The following ATRNL1 variants were observed in gnomAD, a reference collection of about 807,000 sequenced individuals.
The protein encoded by ATRNL1 is attractin-like protein 1.
Under a neutral mutation model 182.7 loss-of-function variants are expected in ATRNL1, and 95 were observed. The observed-to-expected ratio is 0.52, with a 90% CI of 0.44 to 0.62. The LOEUF (loss-of-function observed/expected upper bound fraction) is 0.62. Ranked by LOEUF, ATRNL1 falls within the 20% of genes least tolerant of loss-of-function variation. The probability of loss-of-function intolerance (pLI) is 0.00; values close to 1 mark genes in which losing one functional copy is unlikely to be tolerated. For synonymous variants in ATRNL1, 576 were observed against 568.3 expected, an observed-to-expected ratio of 1.01 and a Z score of -0.19; for missense variants, 1,471 against 1,679.5, an observed-to-expected ratio of 0.88 and a Z score of 2.17.
chr10:115,125,455 G>C (rs1017373444), intron 3 of ATRNL1, among the ~76,000 whole-genome samples: 1 of 151,488 alleles, frequency 6.6e-6, no homozygotes, highest in South Asian at 2.1e-4. Flanking sequence ...GTAGGCAAGA[G>C]TTTTTAGAAT....
intron 26 of ATRNL1, among the ~76,000 whole-genome samples, chr10:115,587,782 C>T (rs919228946): frequency 6.6e-6 from 1 of 152,158 alleles, no homozygotes; most frequent in Non-Finnish European, 1.5e-5. Flanking sequence ...TTGGCTTCTC[C>T]TCCCAACAAG....
At chr10:115,122,960 G>A (rs1554872181) in intron 3 of ATRNL1, among the ~76,000 whole-genome samples, 1 of 151,950 alleles carries the variant, frequency 6.6e-6, no homozygotes, top group Non-Finnish European at 1.5e-5. Context: ...ACATCACTTT[G>A]CTATCTTTAC....
intron 5 of ATRNL1, among the ~76,000 whole-genome samples, chr10:115,157,225 T>A (rs1051091381): frequency 6.6e-6 from 1 of 152,092 alleles, no homozygotes; most frequent in Non-Finnish European, 1.5e-5. Context: ...TTGTTCAGTA[T>A]CAGAAAAAAA....
intron 19 of ATRNL1, among the ~76,000 whole-genome samples, chr10:115,354,100 C>T (rs999057947): frequency 2.2e-4 from 33 of 152,260 alleles, no homozygotes; most frequent in African/African-American, 7.2e-4. Flanking sequence ...TGAATATGGC[C>T]CAACACAAAT....
At chr10:115,488,432 T>C (rs1430206145) in intron 24 of ATRNL1, among the ~76,000 whole-genome samples, 1 of 152,220 alleles carries the variant, frequency 6.6e-6, no homozygotes, top group African/African-American at 2.4e-5. Context: ...ATTCAACTTA[T>C]TCCTGGTTTA....
At chr10:115,643,106 A>G (rs939730909) in intron 26 of ATRNL1, among the ~76,000 whole-genome samples, 18 of 152,212 alleles carry the variant, frequency 1.2e-4, no homozygotes, top group Non-Finnish European at 1.0e-4. Context: ...AAGCTCCAGT[A>G]ATCAAGAAAG....
chr10:115,761,768 C>G (rs568397032), intron 27 of ATRNL1, among the ~76,000 whole-genome samples: 33 of 152,214 alleles, frequency 2.2e-4, no homozygotes, highest in African/African-American at 7.9e-4. Flanking sequence ...TAGGTTAATT[C>G]AGTTCTTTGA....
At chr10:115,094,162 T>C in intron 1 of ATRNL1, 119 bp downstream of exon 1, 1 of 1,051,448 alleles carries the variant, frequency 9.5e-7, no homozygotes, top group Non-Finnish European at 1.2e-6. Context: ...CGGCCGTGAG[T>C]GAACCTCAGC....
At chr10:115,576,361 T>C (rs1378432826) in intron 26 of ATRNL1, among the ~76,000 whole-genome samples, 2 of 152,086 alleles carry the variant, frequency 1.3e-5, no homozygotes, top group Admixed American at 6.6e-5. Context: ...CAATTAATAG[T>C]GTACAGGGTT....
chr10:115,126,439 C>A (rs1248105435), intron 3 of ATRNL1, among the ~76,000 whole-genome samples: 4 of 152,118 alleles, frequency 2.6e-5, no homozygotes, highest in African/African-American at 7.2e-5. Flanking sequence ...TAGTAATACT[C>A]ACCTTTATAT....
chr10:115,616,062 T>A (rs1350879108), intron 26 of ATRNL1, among the ~76,000 whole-genome samples: 1 of 152,170 alleles, frequency 6.6e-6, no homozygotes, highest in East Asian at 1.9e-4. Flanking sequence ...GTTAGATTGT[T>A]ATAACCAAAA....
chr10:115,141,380 A>G (rs1554878026), intron 5 of ATRNL1, among the ~76,000 whole-genome samples: 1 of 152,130 alleles, frequency 6.6e-6, no homozygotes, highest in African/African-American at 2.4e-5. Flanking sequence ...TATTTTATCA[A>G]GCATTGGTTC....
intron 26 of ATRNL1, among the ~76,000 whole-genome samples, chr10:115,559,810 A>G (rs1214086231): frequency 6.6e-6 from 1 of 152,192 alleles, no homozygotes; most frequent in Non-Finnish European, 1.5e-5. Flanking sequence ...CTTTTTTTAA[A>G]TCACTTATAT....
intron 10 of ATRNL1, among the ~76,000 whole-genome samples, chr10:115,260,818 A>G (rs1851361941): frequency 6.6e-6 from 1 of 152,140 alleles, no homozygotes; most frequent in Admixed American, 6.5e-5. Context: ...TCCATAAAGT[A>G]TTATGAATAA....
At chr10:115,784,388 C>G (rs1286243975) in intron 27 of ATRNL1, among the ~76,000 whole-genome samples, 2 of 152,004 alleles carry the variant, frequency 1.3e-5, no homozygotes, top group Non-Finnish European at 2.9e-5. Context: ...ATAGGTATGC[C>G]CAAGGTTCAT....
chr10:115,281,497 T>A lies in ATRNL1; in HGVS notation c.2233+10T>A. On this transcript the variant is annotated intron_variant, in intron 14 of 28. Transcript: ENST00000355044. The stretch of plus-strand genomic sequence containing the variant: ...TGCCAGGCTTTACCAGGTAAAGATT[T>A]CAAAATTTAGTAAATGAGTTTATGG... The A allele has an allele frequency of 6.2e-7, 1 of 1,611,876 alleles. No individual in the cohort carries two copies. The highest frequency in any genetic ancestry group is 8.5e-7 in the Non-Finnish European group (1 of 1,179,028).
chr10:115,701,813 A>C (rs1215526804), intron 26 of ATRNL1, among the ~76,000 whole-genome samples: 2 of 151,940 alleles, frequency 1.3e-5, no homozygotes, highest in African/African-American at 2.4e-5. Flanking sequence ...GTAAAAACCT[A>C]CCAACCAAAA....
At chr10:115,256,186 T>G (rs967950454) in intron 10 of ATRNL1, among the ~76,000 whole-genome samples, 1 of 152,240 alleles carries the variant, frequency 6.6e-6, no homozygotes, top group African/African-American at 2.4e-5. Flanking sequence ...CTTTTTCTAT[T>G]GATTGGGATA....
intron 28 of ATRNL1, among the ~76,000 whole-genome samples, chr10:115,918,346 G>T (rs1377114473): frequency 6.6e-6 from 1 of 151,932 alleles, no homozygotes; most frequent in East Asian, 1.9e-4. Context: ...AAGGTAATCC[G>T]CCCACCTTGG....
Sources: allele counts gnomAD v4.1 joint callset (sites outside exome capture counted in the v4.1 genomes callset), GRCh38; gene constraint gnomAD v4.1.1; transcripts MANE v1.5; gene names NCBI Gene and HGNC (gene_info 2026-07-23, HGNC 2026-07-21).